HCN1: variants seen among roughly 807,000 people sequenced by gnomAD.
HCN1 encodes potassium/sodium hyperpolarization-activated cyclic nucleotide-gated channel 1.
HCN1 carries 13 observed loss-of-function variants against 78.9 expected under a neutral mutation model. That is an observed-to-expected ratio of 0.16 (90% confidence interval 0.11 to 0.26). The LOEUF (loss-of-function observed/expected upper bound fraction) is 0.26. HCN1 is among the 10% of genes least tolerant of loss of function. The pLI, the probability that HCN1 is intolerant of heterozygous loss-of-function variation, is 1.00. For synonymous variants in HCN1, 552 were observed against 455.5 expected, an observed-to-expected ratio of 1.21 and a Z score of -2.70; for missense variants, 810 against 1,154.3, an observed-to-expected ratio of 0.70 and a Z score of 4.32.
intron 4 of HCN1, among the ~76,000 whole-genome samples, chr5:45,383,567 C>G (rs191251864): frequency 6.6e-6 from 1 of 151,986 alleles, no homozygotes; most frequent in South Asian, 2.1e-4. Context: ...TGGTGGCACA[C>G]GCCTGTAGTC....
chr5:45,511,039 A>C (rs555880817), intron 2 of HCN1, among the ~76,000 whole-genome samples: 106 of 151,816 alleles, frequency 7.0e-4, no homozygotes, highest in Non-Finnish European at 1.3e-3. Context: ...ACTTAGGTTA[A>C]TGATAAATTT....
chr5:45,346,499 CCAGA>C (rs1746713989), intron 5 of HCN1, among the ~76,000 whole-genome samples: 1 of 152,120 alleles, frequency 6.6e-6, no homozygotes, highest in African/African-American at 2.4e-5. Flanking sequence ...CTAGGGAGTA[CCAGA>C]CAGTGGGCAC....
chr5:45,339,838 T>G (rs920338283), intron 5 of HCN1, among the ~76,000 whole-genome samples: 1 of 152,176 alleles, frequency 6.6e-6, no homozygotes, highest in African/African-American at 2.4e-5. Context: ...CACGTAAAAG[T>G]GAAAAGTGGA....
intron 5 of HCN1, among the ~76,000 whole-genome samples, chr5:45,352,322 C>T (rs1289999662): frequency 1.4e-5 from 2 of 146,568 alleles, no homozygotes; most frequent in East Asian, 2.0e-4. Flanking sequence ...GGGAATTGAA[C>T]AATGAGAACA....
At chr5:45,643,454 G>A (rs1389265776) in intron 2 of HCN1, 1 of 151,934 alleles carries the variant, frequency 6.6e-6, no homozygotes, top group Non-Finnish European at 1.5e-5. Flanking sequence ...GTATTGCATG[G>A]CCCACAGTCT....
intron 4 of HCN1, among the ~76,000 whole-genome samples, chr5:45,374,189 A>ATACATTATATACATAACATATATATTATG (rs1561130371): frequency 7.6e-4 from 85 of 111,404 alleles, no homozygotes; most frequent in Non-Finnish European, 1.2e-3. Flanking sequence ...TATATATTAT[A>ATACATTATATACATAACATATATATTATG]TACATTATAT....
chr5:45,394,850 G>T (rs1278482551), intron 4 of HCN1, among the ~76,000 whole-genome samples: 1 of 152,020 alleles, frequency 6.6e-6, no homozygotes, highest in Non-Finnish European at 1.5e-5. Flanking sequence ...AGCTGTTCCT[G>T]ATTACATTGT....
chr5:45,491,799 T>C (rs1026017378), intron 2 of HCN1, among the ~76,000 whole-genome samples: 1 of 152,170 alleles, frequency 6.6e-6, no homozygotes, highest in Non-Finnish European at 1.5e-5. Flanking sequence ...ATTCCAGGTC[T>C]TGAGGAAATT....
intron 3 of HCN1, among the ~76,000 whole-genome samples, chr5:45,439,895 TAGAATAGTAC>T (rs1336072754): frequency 6.6e-6 from 1 of 150,416 alleles, no homozygotes; most frequent in Non-Finnish European, 1.5e-5. Flanking sequence ...AAATATTATA[TAGAATAGTAC>T]ATAATATACA....
chr5:45,450,698 G>C (rs1740899070), intron 3 of HCN1, among the ~76,000 whole-genome samples: 2 of 152,016 alleles, frequency 1.3e-5, no homozygotes, highest in African/African-American at 4.8e-5. Flanking sequence ...AATAGTAGTT[G>C]GTAGAATTAC....
chr5:45,492,419 A>ATG (rs1741904967), intron 2 of HCN1, among the ~76,000 whole-genome samples: 1 of 145,706 alleles, frequency 6.9e-6, no homozygotes, highest in Non-Finnish European at 1.5e-5. Context: ...ATATATATAT[A>ATG]TATAAAATTT....
intron 4 of HCN1, among the ~76,000 whole-genome samples, chr5:45,367,614 T>C (rs2112000025): frequency 6.6e-6 from 1 of 152,040 alleles, no homozygotes; most frequent in Middle Eastern, 3.4e-3. Flanking sequence ...ACTTGGCTAG[T>C]ATGAAACTAA....
At chr5:45,316,217 G>A (rs1745988614) in intron 5 of HCN1, among the ~76,000 whole-genome samples, 1 of 152,142 alleles carries the variant, frequency 6.6e-6, no homozygotes, top group South Asian at 2.1e-4. Flanking sequence ...TATCCACCAT[G>A]ATCAAGTGGG....
intron 2 of HCN1, among the ~76,000 whole-genome samples, chr5:45,553,152 T>C (rs1260238405): frequency 6.6e-6 from 1 of 151,742 alleles, no homozygotes; most frequent in African/African-American, 2.4e-5. Flanking sequence ...TGCCCAGAAA[T>C]CTCATCAATC....
At chr5:45,436,288 T>C (rs1462530963) in intron 3 of HCN1, among the ~76,000 whole-genome samples, 1 of 152,154 alleles carries the variant, frequency 6.6e-6, no homozygotes, top group Admixed American at 6.5e-5. Context: ...ACAATGCCAA[T>C]AATGAATTCC....
At chr5:45,478,050 A>T (rs1429497699) in intron 2 of HCN1, among the ~76,000 whole-genome samples, 1 of 152,162 alleles carries the variant, frequency 6.6e-6, no homozygotes. Context: ...GCTACTCAGG[A>T]AGCTGAGGCA....
rs112850970 is a variant in HCN1 at position 45,278,626 on chromosome 5, T to C, written c.1619-11373A>G. The stretch of plus-strand genomic sequence containing the variant: ...AAAAGTTTGTATGTAAGCTTAAGTA[T>C]GGGTTGATAAGAAATACTAATCCAC... On this transcript the variant is annotated intron_variant, in intron 6 of 7. Transcript: ENST00000303230. Among the ~76,000 whole-genome samples, 1,095 of 152,266 alleles carry C rather than the reference T, an allele frequency of 7.2e-3. 9 individuals carry two copies. The highest frequency in any genetic ancestry group is 0.025 in the African/African-American group (1,055 of 41,578).
intron 2 of HCN1, among the ~76,000 whole-genome samples, chr5:45,507,219 G>A (rs1742325832): frequency 6.6e-6 from 1 of 152,116 alleles, no homozygotes; most frequent in African/African-American, 2.4e-5. Context: ...TCCTGTGAAC[G>A]ACTGCTCAGC....
At chr5:45,504,918 A>C (rs1429680755) in intron 2 of HCN1, among the ~76,000 whole-genome samples, 1 of 152,122 alleles carries the variant, frequency 6.6e-6, no homozygotes, top group African/African-American at 2.4e-5. Flanking sequence ...GTGTCTGTTC[A>C]TATCCTTCGC....
Sources: gnomAD v4.1 joint callset for allele counts (sites outside exome capture counted in the v4.1 genomes callset) on GRCh38, gnomAD v4.1.1 for gene constraint, MANE v1.5 for transcripts, NCBI Gene and HGNC (gene_info 2026-07-23, HGNC 2026-07-21) for gene names.